ARHGAP12: variants seen among roughly 807,000 people sequenced by gnomAD.
ARHGAP12 encodes Rho GTPase activating protein 12, also known as rho GTPase-activating protein 12.
In ARHGAP12, 64 loss-of-function variants were observed where a neutral mutation model predicts 108.6. The ratio of observed to expected loss-of-function variants is 0.59; its 90% CI spans 0.48 to 0.73. ARHGAP12 has a LOEUF of 0.73. Ranked by LOEUF, ARHGAP12 falls within the 30% of genes least tolerant of loss-of-function variation. The probability of loss-of-function intolerance (pLI) is 0.00; values close to 1 mark genes in which losing one functional copy is unlikely to be tolerated. For missense variants in ARHGAP12, 940 were observed against 1,005.9 expected, an observed-to-expected ratio of 0.93 and a Z score of 0.89; for synonymous variants, 312 against 337.2, an observed-to-expected ratio of 0.93 and a Z score of 0.82.
chr10:31,846,952 C>T (rs1210044807), intron 6 of ARHGAP12, among the ~76,000 whole-genome samples: 1 of 124,942 alleles, frequency 8.0e-6, no homozygotes, highest in African/African-American at 3.1e-5. Context: ...ATTGTTCAGA[C>T]TAAATAATTT....
At chr10:31,854,843 T>C (rs756066996) in intron 4 of ARHGAP12, among the ~76,000 whole-genome samples, 2 of 150,552 alleles carry the variant, frequency 1.3e-5, no homozygotes, top group African/African-American at 4.9e-5. Flanking sequence ...GAAAATAATA[T>C]AGGGGCCAGG....
intron 12 of ARHGAP12, among the ~76,000 whole-genome samples, chr10:31,818,449 G>A (rs889169871): frequency 1.3e-5 from 2 of 152,318 alleles, no homozygotes; most frequent in South Asian, 4.1e-4. Context: ...ATGAGCTGAA[G>A]TAAGAATACT....
chr10:31,825,435 G>C (rs537419781), intron 11 of ARHGAP12, among the ~76,000 whole-genome samples: 3 of 152,224 alleles, frequency 2.0e-5, no homozygotes, highest in South Asian at 4.1e-4. Flanking sequence ...TTTTACTTGA[G>C]CATTAGCACT....
intron 1 of ARHGAP12, among the ~76,000 whole-genome samples, chr10:31,923,152 A>AAAAC (rs1554792908): frequency 0.017 from 2,544 of 150,166 alleles, 115 homozygotes; most frequent in African/African-American, 0.06. Context: ...AAAAAAAAAA[A>AAAAC]CAGGCAAAAT....
At chr10:31,876,891 C>T (rs971172725) in intron 3 of ARHGAP12, among the ~76,000 whole-genome samples, 4 of 152,144 alleles carry the variant, frequency 2.6e-5, no homozygotes, top group African/African-American at 9.7e-5. Context: ...GCTCTCAGTT[C>T]AGAATTTTTA....
At chr10:31,834,689 A>C (rs887174822) in intron 9 of ARHGAP12, among the ~76,000 whole-genome samples, 20 of 152,224 alleles carry the variant, frequency 1.3e-4, no homozygotes, top group African/African-American at 4.8e-4. Flanking sequence ...ATCAATAACC[A>C]GTGCCTAGTA....
intron 3 of ARHGAP12, among the ~76,000 whole-genome samples, chr10:31,869,577 C>G (rs554952001): frequency 6.6e-6 from 1 of 152,070 alleles, no homozygotes; most frequent in South Asian, 2.1e-4. Context: ...ACCACCCCCT[C>G]CCCCCTAAAA....
At chr10:31,916,409 C>T (rs1839558498) in intron 1 of ARHGAP12, among the ~76,000 whole-genome samples, 1 of 152,034 alleles carries the variant, frequency 6.6e-6, no homozygotes, top group Admixed American at 6.6e-5. Context: ...AATTTCCTAT[C>T]ACGCTATTTT....
intron 3 of ARHGAP12, among the ~76,000 whole-genome samples, chr10:31,862,461 G>T (rs768830856): frequency 5.9e-5 from 9 of 152,034 alleles, no homozygotes; most frequent in Non-Finnish European, 1.2e-4. Flanking sequence ...ACTGTAAATT[G>T]TATTAGGTTA....
intron 1 of ARHGAP12, among the ~76,000 whole-genome samples, chr10:31,922,612 A>G (rs985447799): frequency 3.3e-5 from 5 of 152,158 alleles, no homozygotes; most frequent in Admixed American, 3.3e-4. Flanking sequence ...CTTGCTAAAG[A>G]ATAAACAGAT....
intron 9 of ARHGAP12, 130 bp from the exon 10 acceptor site, chr10:31,831,930 C>T: frequency 2.1e-6 from 1 of 475,444 alleles, no homozygotes; most frequent in Non-Finnish European, 3.7e-6. Context: ...CAATGTGTAA[C>T]ATGCGTAGTT....
chr10:31,867,032 T>C (rs750205809), intron 3 of ARHGAP12, among the ~76,000 whole-genome samples: 6 of 152,140 alleles, frequency 3.9e-5, no homozygotes, highest in African/African-American at 1.4e-4. Flanking sequence ...TAATTCTAAG[T>C]AGAAGCACAG....
intron 1 of ARHGAP12, among the ~76,000 whole-genome samples, chr10:31,918,520 T>C (rs972951834): frequency 6.6e-6 from 1 of 152,016 alleles, no homozygotes; most frequent in South Asian, 2.1e-4. Flanking sequence ...CTGAGTAACA[T>C]AACGAGGCCC....
At chr10:31,862,551 T>C (rs913080690) in intron 3 of ARHGAP12, among the ~76,000 whole-genome samples, 4 of 152,172 alleles carry the variant, frequency 2.6e-5, no homozygotes, top group Non-Finnish European at 4.4e-5. Flanking sequence ...TTTCTGTATA[T>C]ATTTTCCTTT....
intron 9 of ARHGAP12, among the ~76,000 whole-genome samples, chr10:31,838,803 C>T (rs1373036432): frequency 6.8e-6 from 1 of 147,502 alleles, no homozygotes; most frequent in Non-Finnish European, 1.5e-5. Context: ...TGCACTCCAG[C>T]CTGGGCAACA....
At chr10:31,849,880 T>C (rs1836608762) in intron 6 of ARHGAP12, among the ~76,000 whole-genome samples, 1 of 152,170 alleles carries the variant, frequency 6.6e-6, no homozygotes, top group African/African-American at 2.4e-5. Context: ...AAGGCATCTC[T>C]GAAAGTAAAT....
intron 7 of ARHGAP12, among the ~76,000 whole-genome samples, chr10:31,842,020 T>C (rs937141023): frequency 6.6e-6 from 1 of 152,014 alleles, no homozygotes; most frequent in African/African-American, 2.4e-5. Flanking sequence ...TCTGGGACAA[T>C]GAGATGAAAG....
rs1836718164 is a variant in ARHGAP12 at position 31,852,417 on chromosome 10, A to G, written c.1170+100T>C. Reference sequence around the variant, plus strand: ...TCTGAAAAAATTATTCTACTTTGTAAAAGTAGAATAAAGATCTTAAAATAA... The same window carrying G: ...TCTGAAAAAATTATTCTACTTTGTAGAAGTAGAATAAAGATCTTAAAATAA... On this transcript the variant is annotated intron_variant, in intron 6 of 19. Coordinates refer to ENST00000344936, the MANE Select transcript of ARHGAP12 (RefSeq NM_018287.7). The G allele has an allele frequency of 4.0e-6, 4 of 999,912 alleles. No homozygotes were observed. The South Asian group carries it at 5.4e-5, about 14-fold the overall frequency. The allele number at this position is 999,912 out of a possible 1,614,324, so 61.9% of individuals were successfully genotyped here.
intron 4 of ARHGAP12, among the ~76,000 whole-genome samples, chr10:31,855,066 A>AG (rs1271954644): frequency 1.3e-5 from 1 of 76,192 alleles, no homozygotes; most frequent in Non-Finnish European, 2.5e-5. Context: ...GGAAAGGGGA[A>AG]GGGGGAGGAA....
Sources: allele counts gnomAD v4.1 joint callset (sites outside exome capture counted in the v4.1 genomes callset), GRCh38; gene constraint gnomAD v4.1.1; transcripts MANE v1.5; gene names NCBI Gene and HGNC (gene_info 2026-07-23, HGNC 2026-07-21).